The following ABHD18 variants were observed in gnomAD, a reference collection of about 807,000 sequenced individuals.
ABHD18 encodes the protein abhydrolase domain containing 18.
In ABHD18, 55 loss-of-function variants were observed where a neutral mutation model predicts 65.9. The observed-to-expected ratio is 0.84, with a 90% CI of 0.67 to 1.05. ABHD18 has a LOEUF of 1.05. Among genes scored for constraint, ABHD18 ranks in the 50% least tolerant of loss-of-function variants. ABHD18 has a pLI of 0.00. For synonymous variants in ABHD18, 181 were observed against 180.2 expected (o/e 1.00, Z -0.04); for missense variants, 533 against 558.5 (o/e 0.95, Z 0.46).
Position 127,979,664 on chromosome 4 carries a change from C to G in ABHD18, c.-17-3275C>G, listed in dbSNP as rs180695185. Among the ~76,000 whole-genome samples, 460 of 152,072 alleles carry G rather than the reference C, an allele frequency of 3.0e-3. 3 individuals carry two copies. The highest frequency in any genetic ancestry group is 0.01 in the African/African-American group (432 of 41,496). ...GGCGCAGTGGCTCACACCTATAATC[C>G]CAGCACTTTGGGAGGCCGAGGCGGG... is the stretch of plus-strand genomic sequence containing the variant. On this transcript the variant is annotated intron_variant, in intron 1 of 12. Transcript: ENST00000645843.
intron 4 of ABHD18, among the ~76,000 whole-genome samples, chr4:127,990,903 C>G (rs1560851690): frequency 6.6e-6 from 1 of 152,158 alleles, no homozygotes; most frequent in Non-Finnish European, 1.5e-5. Context: ...GAGTCTCACT[C>G]TGTTGCCCAG....
intron 12 of ABHD18, among the ~76,000 whole-genome samples, chr4:128,032,816 A>G (rs1758394751): frequency 6.6e-6 from 1 of 152,208 alleles, no homozygotes; most frequent in Non-Finnish European, 1.5e-5. Context: ...ATACAGGTGA[A>G]TAAGAGACTA....
chr4:128,012,165 T>C (rs1446055775), intron 7 of ABHD18, among the ~76,000 whole-genome samples: 1 of 152,038 alleles, frequency 6.6e-6, no homozygotes, highest in Non-Finnish European at 1.5e-5. Context: ...TTAGTAGAGA[T>C]GGGCTTTCAC....
chr4:127,993,746 C>T (rs1751301425), intron 4 of ABHD18, among the ~76,000 whole-genome samples: 2 of 152,086 alleles, frequency 1.3e-5, no homozygotes, highest in African/African-American at 4.8e-5. Context: ...TACTGTGACT[C>T]TACCATAATT....
chr4:128,033,524 C>CTTTTTTTTTTTTTTTTTTT lies in ABHD18; in HGVS notation c.1344-2236_1344-2218dup, dbSNP rs869099600. 4.7e-4 allele frequency among the ~76,000 whole-genome samples: 51 copies of CTTTTTTTTTTTTTTTTTTT among 108,628 alleles called. 1 individual carries two copies. The highest frequency in any genetic ancestry group is 1.7e-3 in the African/African-American group (49 of 28,342). 71.3% of individuals were successfully genotyped at this position (108,628 alleles called of 152,430 possible). ...GCAGGCTATCAGTTTCAAAGATAGT[C>CTTTTTTTTTTTTTTTTTTT]TTTTTTTTTTTTTTTTTTTTGTCTT... On this transcript the variant is annotated intron_variant, in intron 12 of 12. Transcript: ENST00000645843.
chr4:128,030,878 A>T (rs1339587062), intron 12 of ABHD18: 1 of 1,319,466 alleles, frequency 7.6e-7, no homozygotes. Flanking sequence ...ACTAAGCATG[A>T]TGCATATTAT....
At chr4:127,993,425 A>G (rs1226565733) in intron 4 of ABHD18, among the ~76,000 whole-genome samples, 1 of 152,222 alleles carries the variant, frequency 6.6e-6, no homozygotes, top group East Asian at 1.9e-4. Context: ...ATTTTTTTCA[A>G]CAATTTCTAG....
At chr4:127,999,280 T>C (rs1055035458) in intron 4 of ABHD18, among the ~76,000 whole-genome samples, 7 of 152,010 alleles carry the variant, frequency 4.6e-5, no homozygotes, top group African/African-American at 1.7e-4. Context: ...TGAGACTGCA[T>C]CTCAAAAATA....
intron 4 of ABHD18, among the ~76,000 whole-genome samples, chr4:127,991,939 A>G (rs1750998167): frequency 6.6e-6 from 1 of 152,170 alleles, no homozygotes; most frequent in Non-Finnish European, 1.5e-5. Flanking sequence ...TCAGCTGTCC[A>G]TTATTTTGTT....
intron 4 of ABHD18, among the ~76,000 whole-genome samples, chr4:128,003,297 G>A (rs1207792557): frequency 6.6e-6 from 1 of 151,826 alleles, no homozygotes; most frequent in East Asian, 1.9e-4. Context: ...GAACCCAGGA[G>A]GTGGAGGTTG....
In ABHD18 at chr4:127,985,083, T is replaced by C. The variant is rs148721543; in HGVS notation, c.177+660T>C. ...TGAGTATTAAAGGGGAATAATCTAGTTGGAGAATCAGCACATAAGAAATTA... is the reference window on the plus strand; with the variant it reads ...TGAGTATTAAAGGGGAATAATCTAGCTGGAGAATCAGCACATAAGAAATTA... On this transcript the variant is annotated intron_variant, in intron 3 of 12. Coordinates refer to ENST00000645843, the MANE Select transcript of ABHD18 (RefSeq NM_001358451.3). Among the ~76,000 whole-genome samples the C allele has an allele frequency of 8.7e-4, 133 of 152,232 alleles. 2 individuals carry two copies. Among genetic ancestry groups the C allele is most frequent in the African/African-American group, 3.0e-3 (123 of 41,542 alleles).
At chr4:128,004,278 C>T (rs924152639) in intron 4 of ABHD18, among the ~76,000 whole-genome samples, 1 of 151,172 alleles carries the variant, frequency 6.6e-6, no homozygotes. Flanking sequence ...GTGGTGAAAC[C>T]CTGTCTGTAC....
In ABHD18 at chr4:128,020,157, G is replaced by A. The variant is rs907846507; in HGVS notation, c.687G>A (p.Gly229=). 6.2e-7 allele frequency: 1 copy of A among 1,612,230 alleles called. No individual in the cohort carries two copies. The highest frequency in any genetic ancestry group is 1.7e-5 in the Admixed American group (1 of 59,948). ...IPCLSWSTAS[G]VFTTGVLSKS... is the part of the protein sequence containing the mutation. Reference sequence around the variant, plus strand: ...GCCTGTCTTGGTCCACAGCATCTGGGGTCTTCACTACGGTAATTTAATTGT... The same window carrying A: ...GCCTGTCTTGGTCCACAGCATCTGGAGTCTTCACTACGGTAATTTAATTGT... The change falls in exon 9 of 13, where the codon GGG becomes GGA. Residue 229 remains glycine, a synonymous_variant. Coordinates refer to ENST00000645843, the MANE Select transcript of ABHD18 (RefSeq NM_001358451.3).
Position 128,039,729 on chromosome 4 carries a change from CAA to C in ABHD18, c.*3917_*3918del, listed in dbSNP as rs1759191115. 1 of 151,774 alleles carries C rather than the reference CAA, an allele frequency of 6.6e-6. No individual in the cohort carries two copies. Among genetic ancestry groups the C allele is most frequent in the Non-Finnish European group, 1.5e-5 (1 of 67,946 alleles). 9.4% of individuals were successfully genotyped at this position (151,774 alleles called of 1,614,324 possible). On this transcript the variant is annotated 3_prime_UTR_variant, in exon 13 of 13. Coordinates refer to ENST00000645843, the MANE Select transcript of ABHD18 (RefSeq NM_001358451.3). ...AAAGCTAATCATTTGTGCTTTTTTT[CAA>C]GAGGTATTATTGTAAATACGGTAGA...
At chr4:128,033,158 G>A (rs1001291038) in intron 12 of ABHD18, among the ~76,000 whole-genome samples, 3 of 151,992 alleles carry the variant, frequency 2.0e-5, no homozygotes, top group Non-Finnish European at 1.5e-5. Context: ...AGAGGCTGAG[G>A]CAGGAGAATG....
At chr4:128,030,933 GC>G (rs545484547) in intron 12 of ABHD18, 1,383 of 1,135,166 alleles carry the variant, frequency 1.2e-3, no homozygotes, top group Non-Finnish European at 1.4e-3. Flanking sequence ...AATATTAATG[GC>G]CAGGTATTTT....
At chr4:127,998,351 C>T (rs565929359) in intron 4 of ABHD18, among the ~76,000 whole-genome samples, 22 of 143,608 alleles carry the variant, frequency 1.5e-4, no homozygotes, top group Non-Finnish European at 2.4e-4. Flanking sequence ...GGCACGATCT[C>T]GGCTTACTGC....
At chr4:127,971,263 A>C (rs1386583123) in intron 1 of ABHD18, among the ~76,000 whole-genome samples, 1 of 151,552 alleles carries the variant, frequency 6.6e-6, no homozygotes, top group Non-Finnish European at 1.5e-5. Context: ...TCAAAAAAAA[A>C]AAAAAAAAAG....
chr4:128,001,843 T>G (rs1752686469), intron 4 of ABHD18: 17 of 1,344,156 alleles, frequency 1.3e-5, no homozygotes, highest in Non-Finnish European at 1.6e-5. Flanking sequence ...TTTGTTTTGT[T>G]TTGTTTTTTT....
Sources: gnomAD v4.1 joint callset for allele counts (sites outside exome capture counted in the v4.1 genomes callset) on GRCh38, gnomAD v4.1.1 for gene constraint, MANE v1.5 for transcripts, NCBI Gene and HGNC (gene_info 2026-07-23, HGNC 2026-07-21) for gene names.